ABLIM2: variants seen among roughly 807,000 people sequenced by gnomAD.
The protein encoded by ABLIM2 is actin binding LIM protein family member 2.
Under a neutral mutation model 97.7 loss-of-function variants are expected in ABLIM2, and 53 were observed. The observed-to-expected ratio is 0.54, with a 90% confidence interval of 0.44 to 0.68. The LOEUF is 0.68. Ranked by LOEUF, ABLIM2 falls within the 30% of genes least tolerant of loss-of-function variation. ABLIM2 has a pLI of 0.00. For missense variants in ABLIM2, 835 were observed against 867.2 expected (o/e 0.96, Z 0.47); for synonymous variants, 361 against 345.8 (o/e 1.04, Z -0.49).
At chr4:8,138,633 T>C (rs2152941176) in intron 1 of ABLIM2, among the ~76,000 whole-genome samples, 1 of 152,308 alleles carries the variant, frequency 6.6e-6, no homozygotes, top group East Asian at 1.9e-4. Flanking sequence ...ATTTAATGAA[T>C]GGTTTTGGAA....
intron 1 of ABLIM2, among the ~76,000 whole-genome samples, chr4:8,145,448 T>C (rs549322943): frequency 2.0e-5 from 3 of 152,180 alleles, no homozygotes; most frequent in African/African-American, 7.2e-5. Flanking sequence ...CTTCCCAAAG[T>C]GCTGGGATTA....
At chr4:7,989,018 T>C (rs1471968469) in intron 17 of ABLIM2, among the ~76,000 whole-genome samples, 3 of 152,004 alleles carry the variant, frequency 2.0e-5, no homozygotes, top group Admixed American at 1.3e-4. Flanking sequence ...TTGCTATTTG[T>C]ACTATTTAAT....
intron 9 of ABLIM2, among the ~76,000 whole-genome samples, chr4:8,041,623 C>T (rs1788622642): frequency 1.3e-5 from 2 of 151,252 alleles, no homozygotes; most frequent in African/African-American, 2.4e-5. Flanking sequence ...AAAAAAGAGG[C>T]TGGGCACGGT....
At chr4:8,045,640 C>A in intron 8 of ABLIM2, among the ~76,000 whole-genome samples, 1 of 151,928 alleles carries the variant, frequency 6.6e-6, no homozygotes, top group Non-Finnish European at 1.5e-5. Context: ...GAGAGAGACT[C>A]CATCTCAATG....
intron 1 of ABLIM2, 40 bp from the exon 2 acceptor site, chr4:8,106,677 G>A (rs1837584167): frequency 5.1e-6 from 8 of 1,567,812 alleles, no homozygotes; most frequent in South Asian, 3.7e-5. Context: ...AAGGGTGGAT[G>A]TGTGAGGCAC....
intron 8 of ABLIM2, among the ~76,000 whole-genome samples, chr4:8,049,292 C>T (rs555676027): frequency 1.6e-4 from 25 of 152,330 alleles, no homozygotes; most frequent in Admixed American, 1.1e-3. Flanking sequence ...ACGCCTGAGG[C>T]GGGGGCATTT....
chr4:8,052,587 G>A (rs12641424), intron 8 of ABLIM2, among the ~76,000 whole-genome samples: 20,686 of 152,258 alleles, frequency 0.14, 1,725 homozygotes, highest in South Asian at 0.25. Flanking sequence ...AAGCAGAGCT[G>A]CTAGGAGAGC....
At chr4:8,139,918 G>A (rs1850710138) in intron 1 of ABLIM2, among the ~76,000 whole-genome samples, 1 of 152,142 alleles carries the variant, frequency 6.6e-6, no homozygotes. Context: ...ATACTATGCA[G>A]CCATAAAAAA....
intron 2 of ABLIM2, among the ~76,000 whole-genome samples, chr4:8,100,989 T>G (rs1235685232): frequency 6.6e-6 from 1 of 152,100 alleles, no homozygotes; most frequent in Non-Finnish European, 1.5e-5. Context: ...ACGGCATGCC[T>G]TCACATTTTA....
At chr4:8,065,440 GGAAAA>G (rs1181807073) in intron 6 of ABLIM2, among the ~76,000 whole-genome samples, 5 of 152,112 alleles carry the variant, frequency 3.3e-5, no homozygotes, top group African/African-American at 1.2e-4. Context: ...AACACAGAAA[GGAAAA>G]GAAAAGGTGT....
At chr4:8,104,665 C>G (rs535981686) in intron 2 of ABLIM2, among the ~76,000 whole-genome samples, 1 of 152,156 alleles carries the variant, frequency 6.6e-6, no homozygotes, top group Non-Finnish European at 1.5e-5. Context: ...GGTCCCAGGG[C>G]CAGTGGAGAG....
In ABLIM2 at chr4:8,004,003, G is replaced by T. The variant is rs950321170; in HGVS notation, c.1618+4056C>A. Among the ~76,000 whole-genome samples the T allele has an allele frequency of 6.6e-6, 1 of 151,956 alleles. No individual in the cohort carries two copies. The highest frequency in any genetic ancestry group is 1.5e-5 in the Non-Finnish European group (1 of 68,014). The stretch of plus-strand genomic sequence containing the variant: ...AGCACGTCAGGGAGGCTCTTCCTTC[G>T]ACCACGGACTAAGGAACGCGAGAAG... On this transcript the variant is annotated intron_variant, in intron 16 of 20. Coordinates refer to ENST00000447017, the MANE Select transcript of ABLIM2 (RefSeq NM_001130083.2). This position sits in a 1 kb window ranked among gnomAD's most constrained non-coding sequence, Gnocchi z 5.9.
intron 6 of ABLIM2, among the ~76,000 whole-genome samples, chr4:8,077,115 T>C (rs1283092490): frequency 1.3e-5 from 2 of 151,986 alleles, no homozygotes; most frequent in African/African-American, 2.4e-5. Context: ...ATTTATCTTA[T>C]TGAACAAAAC....
intron 20 of ABLIM2, among the ~76,000 whole-genome samples, chr4:7,977,465 A>G (rs1248132906): frequency 6.6e-6 from 1 of 152,194 alleles, no homozygotes; most frequent in Non-Finnish European, 1.5e-5. Flanking sequence ...TGTGGGAACC[A>G]CATTCCCAGT....
chr4:8,006,174 C>A (rs1434643135), intron 16 of ABLIM2, among the ~76,000 whole-genome samples: 1 of 152,242 alleles, frequency 6.6e-6, no homozygotes, highest in Non-Finnish European at 1.5e-5. Flanking sequence ...AACGAGGAAG[C>A]AGTGCACGAG....
chr4:8,133,730 A>G (rs1849767658), intron 1 of ABLIM2, among the ~76,000 whole-genome samples: 2 of 152,216 alleles, frequency 1.3e-5, no homozygotes, highest in African/African-American at 4.8e-5. Flanking sequence ...GCATCTCTGC[A>G]GGACAATGAG....
intron 1 of ABLIM2, 71 bp from the exon 2 acceptor site, chr4:8,106,708 T>G: frequency 6.6e-7 from 1 of 1,516,534 alleles, no homozygotes; most frequent in African/African-American, 1.4e-5. Flanking sequence ...AAAGCAGGCG[T>G]GTGAGGACGC....
Position 8,021,901 on chromosome 4 carries a change from G to A in ABLIM2, c.1268-1598C>T, listed in dbSNP as rs1431191462. The stretch of plus-strand genomic sequence containing the variant: ...CCAGAACAGCATGGAACCTTCTAGA[G>A]CCTCAGTTGGCTCTACAGGTGCCCT... On this transcript the variant is annotated intron_variant, in intron 12 of 20. Coordinates refer to ENST00000447017, the MANE Select transcript of ABLIM2 (RefSeq NM_001130083.2). This position sits in a 1 kb window ranked among gnomAD's most constrained non-coding sequence, Gnocchi z 5.5. 1.3e-5 allele frequency among the ~76,000 whole-genome samples: 2 copies of A among 152,196 alleles called. No homozygotes were observed. Among genetic ancestry groups the A allele is most frequent in the African/African-American group, 4.8e-5 (2 of 41,444 alleles).
chr4:8,087,192 C>T lies in ABLIM2; in HGVS notation c.454+977G>A, dbSNP rs1208857907. 2.0e-5 allele frequency among the ~76,000 whole-genome samples: 3 copies of T among 152,210 alleles called. No individual in the cohort carries two copies. Among genetic ancestry groups the T allele is most frequent in the African/African-American group, 7.2e-5 (3 of 41,458 alleles). ...TGGGGACACCCCAGTGACCACGGTG[C>T]TCAGAGTGGGCTTCTGCACCAGGTG... On this transcript the variant is annotated intron_variant, in intron 4 of 20. Coordinates refer to ENST00000447017, the MANE Select transcript of ABLIM2 (RefSeq NM_001130083.2). The surrounding 1 kb of genome is among the most constrained non-coding windows in gnomAD (Gnocchi z 4.6).
Sources: allele counts gnomAD v4.1 joint callset (sites outside exome capture counted in the v4.1 genomes callset), GRCh38; gene constraint gnomAD v4.1.1; non-coding constraint Gnocchi (gnomAD v3.1); transcripts MANE v1.5; gene names NCBI Gene and HGNC (gene_info 2026-07-23, HGNC 2026-07-21).